RIN2: variants seen among roughly 807,000 people sequenced by gnomAD.
RIN2 encodes the protein RAB5 interacting protein 2.
Under a neutral mutation model 78.0 loss-of-function variants are expected in RIN2, and 36 were observed. The ratio of observed to expected loss-of-function variants is 0.46; its 90% CI spans 0.35 to 0.61. The LOEUF (loss-of-function observed/expected upper bound fraction) is 0.61, where lower values mean the gene tolerates loss of function less well. Among genes scored for constraint, RIN2 ranks in the 20% least tolerant of loss-of-function variants. The pLI is 0.00. For synonymous variants in RIN2, 466 were observed against 466.8 expected, an observed-to-expected ratio of 1.00 and a Z score of 0.02; for missense variants, 1,087 against 1,159.7, an observed-to-expected ratio of 0.94 and a Z score of 0.91.
intron 2 of RIN2, among the ~76,000 whole-genome samples, chr20:19,862,079 C>G (rs759901517): frequency 5.3e-5 from 8 of 152,250 alleles, no homozygotes; most frequent in Non-Finnish European, 1.2e-4. Flanking sequence ...GCCACTATCC[C>G]CCAAGTGGAG....
chr20:19,866,850 C>G (rs1171413204), intron 2 of RIN2, among the ~76,000 whole-genome samples: 1 of 152,080 alleles, frequency 6.6e-6, no homozygotes, highest in Non-Finnish European at 1.5e-5. Flanking sequence ...ATCTCGATCT[C>G]CTGACCTCAA....
intron 1 of RIN2, among the ~76,000 whole-genome samples, chr20:19,781,350 G>A (rs183840024): frequency 1.3e-3 from 201 of 152,270 alleles, no homozygotes; most frequent in African/African-American, 4.5e-3. Flanking sequence ...AGAGAACATC[G>A]ATAATGACTT....
chr20:19,853,958 C>G (rs1024654023), intron 2 of RIN2, among the ~76,000 whole-genome samples: 3 of 152,266 alleles, frequency 2.0e-5, no homozygotes, highest in Admixed American at 2.0e-4. Context: ...GTTGCCCATG[C>G]CTATGTCCTG....
intron 3 of RIN2, among the ~76,000 whole-genome samples, chr20:19,923,440 AAAATAAAATAAAATAAAATAAAATAAAAT>A (rs1311323863): frequency 0.015 from 1,832 of 119,594 alleles, 46 homozygotes; most frequent in African/African-American, 0.066. Flanking sequence ...AAAATAAAAT[AAAATAAAATAAAATAAAATAAAATAAAAT>A]AAATAAAATA....
At chr20:19,859,967 C>G (rs2037283714) in intron 2 of RIN2, among the ~76,000 whole-genome samples, 1 of 152,162 alleles carries the variant, frequency 6.6e-6, no homozygotes, top group Admixed American at 6.5e-5. Context: ...AGTGTTTTAT[C>G]AAGCCTGGCA....
intron 2 of RIN2, among the ~76,000 whole-genome samples, chr20:19,851,019 AAG>A (rs2036946351): frequency 5.8e-5 from 7 of 120,158 alleles, no homozygotes; most frequent in African/African-American, 2.7e-4. Flanking sequence ...GGAAGGAAGG[AAG>A]GAAGGAAGGA....
chr20:19,798,392 G>C (rs902517502), intron 1 of RIN2, among the ~76,000 whole-genome samples: 3 of 152,024 alleles, frequency 2.0e-5, no homozygotes, highest in Admixed American at 2.0e-4. Flanking sequence ...AGGGATGTGT[G>C]TGCATCTGTG....
intron 2 of RIN2, among the ~76,000 whole-genome samples, chr20:19,872,898 A>G (rs1025108821): frequency 1.3e-5 from 2 of 152,122 alleles, no homozygotes; most frequent in South Asian, 4.1e-4. Flanking sequence ...CTTCACCACT[A>G]CACAAAATAT....
At chr20:19,950,639 A>G (rs566132811) in intron 4 of RIN2, among the ~76,000 whole-genome samples, 217 of 152,104 alleles carry the variant, frequency 1.4e-3, no homozygotes, top group Non-Finnish European at 2.8e-3. Flanking sequence ...TTCAGTATGC[A>G]TGTCCTAAGA....
intron 2 of RIN2, among the ~76,000 whole-genome samples, chr20:19,843,532 A>C (rs2036644631): frequency 6.6e-6 from 1 of 152,230 alleles, no homozygotes; most frequent in African/African-American, 2.4e-5. Context: ...TTCGGAGATA[A>C]AGTATTTTTA....
At chr20:20,000,377 G>T (rs566070825) in intron 12 of RIN2, among the ~76,000 whole-genome samples, 2 of 152,312 alleles carry the variant, frequency 1.3e-5, no homozygotes, top group South Asian at 4.1e-4. Context: ...CAGAACCAGG[G>T]CTGCATGGAC....
At chr20:19,963,219 G>A (rs1600964705) in intron 6 of RIN2, among the ~76,000 whole-genome samples, 1 of 152,138 alleles carries the variant, frequency 6.6e-6, no homozygotes, top group Non-Finnish European at 1.5e-5. Context: ...TGGCACACGT[G>A]TGTTTGTTGT....
At chr20:19,973,944 C>T (rs1489707606) in intron 8 of RIN2, among the ~76,000 whole-genome samples, 2 of 152,190 alleles carry the variant, frequency 1.3e-5, no homozygotes, top group Admixed American at 6.5e-5. Flanking sequence ...TGCACTACTT[C>T]GCAGAGCATT....
chr20:19,850,714 C>T (rs1466264110), intron 2 of RIN2, among the ~76,000 whole-genome samples: 3 of 152,166 alleles, frequency 2.0e-5, no homozygotes, highest in African/African-American at 7.2e-5. Flanking sequence ...CCTGTAATCC[C>T]AGCACTTTGG....
chr20:19,857,741 C>G (rs936476957), intron 2 of RIN2, among the ~76,000 whole-genome samples: 16 of 152,084 alleles, frequency 1.1e-4, no homozygotes, highest in Non-Finnish European at 4.4e-5. Flanking sequence ...ATCCCAGCTA[C>G]TTGGGAGACT....
intron 9 of RIN2, among the ~76,000 whole-genome samples, chr20:19,986,828 C>A (rs1205520737): frequency 6.6e-6 from 1 of 152,204 alleles, no homozygotes; most frequent in African/African-American, 2.4e-5. Context: ...TAACTTACAT[C>A]CATAAAGTGT....
At chr20:19,980,858 T>C (rs761246091) in intron 9 of RIN2, among the ~76,000 whole-genome samples, 1 of 152,198 alleles carries the variant, frequency 6.6e-6, no homozygotes, top group Non-Finnish European at 1.5e-5. Context: ...ACAAATGGTG[T>C]AGACACAGCC....
chr20:19,823,547 G>A, intron 2 of RIN2: 2 of 1,316,628 alleles, frequency 1.5e-6, no homozygotes, highest in Middle Eastern at 5.1e-4. Flanking sequence ...GCAGTCCCCA[G>A]GATCTCTTTA....
At chr20:19,977,805 G>C (rs2042327080) in intron 9 of RIN2, among the ~76,000 whole-genome samples, 1 of 152,160 alleles carries the variant, frequency 6.6e-6, no homozygotes, top group African/African-American at 2.4e-5. Flanking sequence ...GTTGAGTTAT[G>C]GATATGGCCT....
Sources: gnomAD v4.1 joint callset for allele counts (sites outside exome capture counted in the v4.1 genomes callset) on GRCh38, gnomAD v4.1.1 for gene constraint, MANE v1.5 for transcripts, NCBI Gene and HGNC (gene_info 2026-07-23, HGNC 2026-07-21) for gene names.